The following BTBD16 variants were observed in gnomAD, a reference collection of about 807,000 sequenced individuals.
BTBD16 encodes the protein BTB/POZ domain-containing protein 16.
A neutral mutation model predicts 67.4 loss-of-function variants in BTBD16; 66 were observed. The observed-to-expected ratio is 0.98, with a 90% CI of 0.80 to 1.20. The LOEUF (loss-of-function observed/expected upper bound fraction) is 1.20, where lower values mean the gene tolerates loss of function less well. Ranked by LOEUF, BTBD16 falls within the 50% of genes most tolerant of loss-of-function variation. BTBD16 has a pLI of 0.00. For missense variants in BTBD16, 634 were observed against 616.0 expected, an observed-to-expected ratio of 1.03 and a Z score of -0.31; for synonymous variants, 242 against 236.4, an observed-to-expected ratio of 1.02 and a Z score of -0.22.
chr10:122,325,344 C>G (rs749958361), intron 10 of BTBD16, among the ~76,000 whole-genome samples: 2 of 152,162 alleles, frequency 1.3e-5, no homozygotes, highest in Non-Finnish European at 2.9e-5. Context: ...AGCTTGCAAT[C>G]TAGGAGCAGA....
In BTBD16 at chr10:122,283,939, T is replaced by G. The variant is rs377188156; in HGVS notation, c.241+15T>G. On this transcript the variant is annotated intron_variant, in intron 4 of 15. Coordinates refer to ENST00000260723, the MANE Select transcript of BTBD16 (RefSeq NM_144587.5). ...TGGGGAAGCAGGTGAGTTTGTGTTA[T>G]CCATGGATTAAGCCAGAATGTTGCT... The G allele has an allele frequency of 1.9e-6, 3 of 1,595,660 alleles. No homozygotes were observed. Among genetic ancestry groups the G allele is most frequent in the Non-Finnish European group, 2.6e-6 (3 of 1,163,234 alleles).
intron 13 of BTBD16, among the ~76,000 whole-genome samples, chr10:122,333,885 G>A (rs1590102733): frequency 6.6e-6 from 1 of 152,062 alleles, no homozygotes; most frequent in East Asian, 1.9e-4. Context: ...TAGCCTCCAG[G>A]GTTCACTGGG....
intron 11 of BTBD16, 61 bp downstream of exon 11, chr10:122,329,632 C>A: frequency 1.4e-6 from 2 of 1,424,588 alleles, no homozygotes; most frequent in Non-Finnish European, 2.0e-6. Context: ...GCCCACCCCC[C>A]AGCCACTGCC....
rs547276749 is a variant in BTBD16 at position 122,325,712 on chromosome 10, G to A, written c.912-3768G>A. 2.6e-5 allele frequency among the ~76,000 whole-genome samples: 4 copies of A among 151,398 alleles called. No homozygotes were observed. In the East Asian group the frequency reaches 7.8e-4, roughly 29 times the overall value. On this transcript the variant is annotated intron_variant, in intron 10 of 15. Transcript: ENST00000260723. ...TTTTTTTGAGATGGAGTCTCGCTGT[G>A]TTGCCCAGGCTGGAGTGCAGTAGCA...
chr10:122,312,315 T>C (rs865903815), intron 10 of BTBD16, among the ~76,000 whole-genome samples: 13 of 30,698 alleles, frequency 4.2e-4, no homozygotes, highest in South Asian at 1.0e-3. Context: ...TTTTCTTTTT[T>C]TTTTTTTTTT....
intron 2 of BTBD16, among the ~76,000 whole-genome samples, chr10:122,276,076 T>C (rs1194891097): frequency 6.6e-6 from 1 of 152,242 alleles, no homozygotes. Context: ...CATTATGTTA[T>C]GTGAAAGATG....
At chr10:122,274,199 G>T (rs1435679478) in intron 1 of BTBD16, among the ~76,000 whole-genome samples, 3 of 152,254 alleles carry the variant, frequency 2.0e-5, no homozygotes, top group Admixed American at 6.5e-5. Context: ...GCACGTTCTT[G>T]TTGGGAGAAT....
intron 12 of BTBD16, among the ~76,000 whole-genome samples, chr10:122,331,815 A>G (rs1354183070): frequency 6.6e-6 from 1 of 152,182 alleles, no homozygotes; most frequent in East Asian, 1.9e-4. Flanking sequence ...GTTAAAATTC[A>G]ATCCTGCTCA....
chr10:122,310,827 T>C (rs573292786), intron 10 of BTBD16, among the ~76,000 whole-genome samples: 138 of 152,328 alleles, frequency 9.1e-4, no homozygotes, highest in Admixed American at 1.8e-3. Flanking sequence ...ATGTCAGTAG[T>C]GGGACAAGCT....
intron 9 of BTBD16, among the ~76,000 whole-genome samples, chr10:122,303,181 G>A (rs935266765): frequency 2.6e-5 from 4 of 152,094 alleles, no homozygotes; most frequent in Admixed American, 1.3e-4. Context: ...AGCAGAAGTC[G>A]CCTATGTTTC....
In BTBD16 at chr10:122,329,462, CTTT is replaced by C; in HGVS notation, c.912-17_912-15del. ...AGTTTGCTGAAGGTCTGTTATTCTT[CTTT>C]ATGCCTCTGCTAAGCTTTCCTGAGA... On this transcript the variant is annotated splice_polypyrimidine_tract_variant and intron_variant, in intron 10 of 15. Coordinates refer to ENST00000260723, the MANE Select transcript of BTBD16 (RefSeq NM_144587.5). 1 of 1,612,766 alleles carries C rather than the reference CTTT, an allele frequency of 6.2e-7. No homozygotes were observed. The highest frequency in any genetic ancestry group is 8.5e-7 in the Non-Finnish European group (1 of 1,179,542).
rs79793373 is a variant in BTBD16 at position 122,329,107 on chromosome 10, C to T, written c.912-373C>T. ...AAAATGGAGCTCACTATCCTTGCCC[C>T]GTCTGCCCCACAAGAAGTTTGTGAG... On this transcript the variant is annotated intron_variant, in intron 10 of 15. Coordinates refer to ENST00000260723, the MANE Select transcript of BTBD16 (RefSeq NM_144587.5). Among the ~76,000 whole-genome samples the T allele has an allele frequency of 3.2e-3, 486 of 152,270 alleles. 6 individuals are homozygous for T. The highest frequency in any genetic ancestry group is 0.011 in the African/African-American group (460 of 41,550).
chr10:122,334,403 G>C (rs1271658280), intron 13 of BTBD16, among the ~76,000 whole-genome samples: 2 of 148,380 alleles, frequency 1.3e-5, no homozygotes, highest in Non-Finnish European at 3.0e-5. Flanking sequence ...CACCATGTTA[G>C]CCAGGATGGT....
chr10:122,274,980 C>G, intron 1 of BTBD16, 60 bp from the exon 2 acceptor site: 1 of 1,180,200 alleles, frequency 8.5e-7, no homozygotes, highest in Non-Finnish European at 1.3e-6. Flanking sequence ...TTAGGCCAAT[C>G]TCCTCCATAA....
At chr10:122,302,967 A>G (rs138712017) in intron 9 of BTBD16, among the ~76,000 whole-genome samples, 2,113 of 152,318 alleles carry the variant, frequency 0.014, 28 homozygotes, top group Middle Eastern at 0.048. Flanking sequence ...CGTGCTCTGC[A>G]TGAGGCCTTC....
chr10:122,329,914 C>T (rs553619103), intron 11 of BTBD16, among the ~76,000 whole-genome samples: 1 of 152,264 alleles, frequency 6.6e-6, no homozygotes, highest in African/African-American at 2.4e-5. Flanking sequence ...CCTTGTTCTG[C>T]AGTTTGGGAG....
intron 3 of BTBD16, among the ~76,000 whole-genome samples, chr10:122,277,268 G>A (rs2096342897): frequency 7.4e-6 from 1 of 135,852 alleles, no homozygotes; most frequent in Non-Finnish European, 1.5e-5. Flanking sequence ...ACAAAACTTA[G>A]TTAGTCCTGG....
intron 10 of BTBD16, among the ~76,000 whole-genome samples, chr10:122,324,589 T>A (rs1212013918): frequency 6.6e-6 from 1 of 152,198 alleles, no homozygotes; most frequent in Non-Finnish European, 1.5e-5. Context: ...GGCCATTAAA[T>A]TGTTCTCTTT....
At chr10:122,291,462 A>G (rs932885338) in intron 7 of BTBD16, 1 of 370,004 alleles carries the variant, frequency 2.7e-6, no homozygotes, top group Non-Finnish European at 4.9e-6. Flanking sequence ...TACCACTGGG[A>G]GAGACTTCAT....
Sources: gnomAD v4.1 joint callset for allele counts (sites outside exome capture counted in the v4.1 genomes callset) on GRCh38, gnomAD v4.1.1 for gene constraint, MANE v1.5 for transcripts, NCBI Gene and HGNC (gene_info 2026-07-23, HGNC 2026-07-21) for gene names.